Variants in LMO1 observed in about 807,000 individuals in gnomAD.
LMO1 encodes the protein rhombotin-1.
Under a neutral mutation model 18.0 loss-of-function variants are expected in LMO1, and 10 were observed. The ratio of observed to expected loss-of-function variants is 0.55; its 90% CI spans 0.34 to 0.94. The LOEUF (loss-of-function observed/expected upper bound fraction) is 0.94, where lower values mean the gene tolerates loss of function less well. Ranked by LOEUF, LMO1 falls within the 40% of genes least tolerant of loss-of-function variation. LMO1 has a pLI of 0.02. For synonymous variants in LMO1, 77 were observed against 77.9 expected (o/e 0.99, Z 0.06); for missense variants, 183 against 205.7 (o/e 0.89, Z 0.68).
upstream of LMO1, among the ~76,000 whole-genome samples, chr11:8,264,830 A>G (rs1192283713): frequency 3.3e-5 from 5 of 152,062 alleles, no homozygotes; most frequent in South Asian, 6.2e-4. Context: ...ACGGGGTTTT[A>G]CCATATTGGC....
chr11:8,228,428 C>A (rs1017644468), intron 2 of LMO1, among the ~76,000 whole-genome samples: 3 of 152,250 alleles, frequency 2.0e-5, no homozygotes, highest in Admixed American at 6.5e-5. Context: ...CATTATTCAT[C>A]AGCTTGAGCT....
chr11:8,264,275 C>A (rs1291339565), upstream of LMO1, among the ~76,000 whole-genome samples: 6 of 152,100 alleles, frequency 3.9e-5, no homozygotes, highest in Non-Finnish European at 8.8e-5. Flanking sequence ...AGCAGCACCC[C>A]CAAAAGCATC....
intron 1 of LMO1, among the ~76,000 whole-genome samples, chr11:8,254,171 A>C (rs192476313): frequency 6.6e-6 from 1 of 152,232 alleles, no homozygotes; most frequent in South Asian, 2.1e-4. Context: ...ATTAGAAATC[A>C]AGGCCTAGAA....
intron 1 of LMO1, among the ~76,000 whole-genome samples, chr11:8,239,821 G>A (rs1846753810): frequency 6.6e-6 from 1 of 152,172 alleles, no homozygotes; most frequent in South Asian, 2.1e-4. Context: ...AAGGCCTAAG[G>A]GAAGCACTGT....
chr11:8,261,552 A>G (rs1847186846), intron 1 of LMO1, among the ~76,000 whole-genome samples: 1 of 152,158 alleles, frequency 6.6e-6, no homozygotes, highest in South Asian at 2.1e-4. Context: ...AGTCTTCTGG[A>G]TTCCTGGCTT....
At chr11:8,233,585 G>T (rs1308675916) in intron 1 of LMO1, among the ~76,000 whole-genome samples, 2 of 152,086 alleles carry the variant, frequency 1.3e-5, no homozygotes, top group African/African-American at 4.8e-5. Context: ...AAACACTCCT[G>T]GAAAGGTGGA....
chr11:8,245,529 G>C (rs937952211), intron 1 of LMO1, among the ~76,000 whole-genome samples: 1 of 152,178 alleles, frequency 6.6e-6, no homozygotes, highest in African/African-American at 2.4e-5. Context: ...GGTGAGCAAA[G>C]ATCCGTACTA....
At position 8,224,719 on chromosome 11, in the gene LMO1, A is replaced by T; in HGVS notation, c.368T>A (p.Phe123Tyr). 1 of 1,591,790 alleles carries T rather than the reference A, an allele frequency of 6.3e-7. No homozygotes were observed. Among genetic ancestry groups the T allele is most frequent in the African/African-American group, 1.3e-5 (1 of 74,544 alleles). Residue 123 changes from phenylalanine (F) to tyrosine (Y), a missense_variant and splice_region_variant, in exon 4 of 4, where the codon TTT (phenylalanine) becomes TAT (tyrosine). Phe to Tyr is a conservative substitution (Grantham distance 22). Coordinates refer to ENST00000335790, the MANE Select transcript of LMO1 (RefSeq NM_002315.3). ...CAGGAAGAATTTGTCTCCCACACAAAATCTAGAAAATCCAAGCGAGAGAGA... is the reference window on the plus strand; with the variant it reads ...CAGGAAGAATTTGTCTCCCACACAATATCTAGAAAATCCAAGCGAGAGAGA... Reference protein sequence around the residue: ...CFACQLCNQRFCVGDKFFLKN... With the variant: ...CFACQLCNQRYCVGDKFFLKN...
chr11:8,238,234 G>T (rs1350638603), intron 1 of LMO1, among the ~76,000 whole-genome samples: 4 of 152,136 alleles, frequency 2.6e-5, no homozygotes, highest in Non-Finnish European at 4.4e-5. Context: ...CAATTAAAAA[G>T]AATGAATTAC....
At chr11:8,261,044 G>A (rs1847178274) in intron 1 of LMO1, among the ~76,000 whole-genome samples, 1 of 152,158 alleles carries the variant, frequency 6.6e-6, no homozygotes, top group Admixed American at 6.5e-5. Context: ...AGGTTTCCTG[G>A]AACTATGGGA....
chr11:8,245,022 G>A (rs926192665), intron 1 of LMO1, among the ~76,000 whole-genome samples: 5 of 152,206 alleles, frequency 3.3e-5, no homozygotes, highest in African/African-American at 1.2e-4. Context: ...CCTTCTGTGT[G>A]CCTGGTATCA....
At chr11:8,268,320 A>G, upstream of LMO1, 1 of 964,312 alleles carries the variant, frequency 1.0e-6, no homozygotes, top group Non-Finnish European at 1.4e-6. Context: ...GCGGGTGCTG[A>G]GGGCTCTGCC....
intron 1 of LMO1, among the ~76,000 whole-genome samples, chr11:8,253,883 G>A (rs1372878548): frequency 4.6e-5 from 7 of 152,094 alleles, no homozygotes; most frequent in East Asian, 1.9e-4. Flanking sequence ...TAAGGCCTGC[G>A]TTGGTTGAGT....
At chr11:8,248,575 G>A (rs1265978284) in intron 1 of LMO1, among the ~76,000 whole-genome samples, 1 of 152,274 alleles carries the variant, frequency 6.6e-6, no homozygotes, top group African/African-American at 2.4e-5. Context: ...GACAAGTTCT[G>A]CTCTTCTCTG....
chr11:8,250,817 A>G (rs395788), intron 1 of LMO1, among the ~76,000 whole-genome samples: 151,392 of 152,324 alleles, frequency 0.99, 75,244 homozygotes, highest in Non-Finnish European at 1. Flanking sequence ...GACGCTTCTC[A>G]GTGCCTTAGT....
Position 8,263,564 on chromosome 11 carries a change from A to T in LMO1, c.-202T>A, listed in dbSNP as rs188364496. On this transcript the variant is annotated 5_prime_UTR_variant, in exon 1 of 4. Coordinates refer to ENST00000335790, the MANE Select transcript of LMO1 (RefSeq NM_002315.3). ...CGCAGATACAAAAGCAGTCTCACCT[A>T]CTTTTGTGCCTCAGAATTGGAAGGA... The T allele has an allele frequency of 2.3e-5, 31 of 1,370,874 alleles. No individual in the cohort carries two copies. In the Admixed American group the frequency reaches 9.5e-4, roughly 42 times the overall value. The allele number at this position is 1,370,874 out of a possible 1,614,324, so 84.9% of individuals were successfully genotyped here. A position where few individuals can be genotyped will look rare whatever the true frequency, so the allele number is the denominator to read the frequency against.
rs376120856 is a variant in LMO1 at position 8,230,302 on chromosome 11, G to A, written c.228C>T (p.Arg76=). Residue 76 remains arginine (R), a synonymous_variant, in exon 2 of 4, where the codon CGC becomes CGT. Coordinates refer to ENST00000335790, the MANE Select transcript of LMO1 (RefSeq NM_002315.3). ...YTKANLILCR[R]DYLRLFGTTG... ...GTTTGGCAGCCCACCTCAGGTAGTCGCGTCGGCACAGGATGAGGTTGGCCT... is the reference window on the plus strand; with the variant it reads ...GTTTGGCAGCCCACCTCAGGTAGTCACGTCGGCACAGGATGAGGTTGGCCT... 9.5e-5 allele frequency: 153 copies of A among 1,613,466 alleles called. No individual in the cohort carries two copies. Among genetic ancestry groups the A allele is most frequent in the African/African-American group, 1.3e-4 (10 of 74,922 alleles).
At chr11:8,253,692 A>T (rs1393932762) in intron 1 of LMO1, among the ~76,000 whole-genome samples, 1 of 152,144 alleles carries the variant, frequency 6.6e-6, no homozygotes, top group Non-Finnish European at 1.5e-5. Flanking sequence ...CCAGGCCAGC[A>T]CTGCTCCCAC....
chr11:8,230,323 G>A lies in LMO1; in HGVS notation c.207C>T (p.Ala69=), dbSNP rs1209341483. ...GEVGSTLYTK[A]NLILCRRDYL... ...AGTCGCGTCGGCACAGGATGAGGTT[G>A]GCCTTGGTGTAGAGGGTGGAGCCCA... Residue 69 remains alanine, a synonymous_variant, in exon 2 of 4, where the codon GCC becomes GCT. Coordinates refer to ENST00000335790, the MANE Select transcript of LMO1 (RefSeq NM_002315.3). The A allele has an allele frequency of 1.2e-6, 2 of 1,613,934 alleles. No homozygotes were observed. The highest frequency in any genetic ancestry group is 1.7e-6 in the Non-Finnish European group (2 of 1,179,924).
Sources: allele counts gnomAD v4.1 joint callset (sites outside exome capture counted in the v4.1 genomes callset), GRCh38; gene constraint gnomAD v4.1.1; transcripts MANE v1.5; gene names NCBI Gene and HGNC (gene_info 2026-07-23, HGNC 2026-07-21).